TENM2: variants seen among roughly 807,000 people sequenced by gnomAD.
TENM2 encodes teneurin transmembrane protein 2.
A neutral mutation model predicts 245.2 loss-of-function variants in TENM2; 52 were observed. The ratio of observed to expected loss-of-function variants is 0.21; its 90% CI spans 0.17 to 0.27. TENM2 has a LOEUF of 0.27. TENM2 is among the 10% of genes least tolerant of loss of function. The pLI, the probability that TENM2 is intolerant of heterozygous loss-of-function variation, is 1.00. For synonymous variants in TENM2, 1,363 were observed against 1,438.9 expected (o/e 0.95, Z 1.19); for missense variants, 3,046 against 3,666.8 (o/e 0.83, Z 4.37).
At chr5:167,930,236 A>T (rs1252805559) in intron 3 of TENM2, among the ~76,000 whole-genome samples, 1 of 152,156 alleles carries the variant, frequency 6.6e-6, no homozygotes, top group East Asian at 1.9e-4. Flanking sequence ...GGCCTGAGAC[A>T]CATCCTCACA....
Position 168,125,052 on chromosome 5 carries a change from T to G in TENM2, c.2209+2T>G, listed in dbSNP as rs762225253. ...GGATGGGTCCCGACTGCTCTGTTGG[T>G]AAGCCACAAGGTTTTCTCCTTCCTC... On this transcript the variant is annotated splice_donor_variant, in intron 11 of 28. Coordinates refer to ENST00000518659, the Ensembl canonical transcript of TENM2. LOFTEE classifies it high-confidence loss of function. The G allele has an allele frequency of 1.9e-6, 3 of 1,603,868 alleles. No homozygotes were observed. The South Asian group carries it at 3.4e-5, about 18-fold the overall frequency.
intron 2 of TENM2, among the ~76,000 whole-genome samples, chr5:167,815,927 T>G (rs1767015007): frequency 2.0e-5 from 3 of 151,806 alleles, no homozygotes; most frequent in Non-Finnish European, 4.4e-5. Flanking sequence ...CTCCATAGTA[T>G]GAGGGGTTTG....
chr5:168,261,801 G>A (rs1351547384), intron 28 of TENM2, among the ~76,000 whole-genome samples: 2 of 152,112 alleles, frequency 1.3e-5, no homozygotes, highest in East Asian at 3.9e-4. Context: ...TTTTTAGTTA[G>A]TGGCAATTGC....
chr5:167,109,799 G>A, the TENM2 span, among the ~76,000 whole-genome samples: 1 of 152,094 alleles, frequency 6.6e-6, no homozygotes, highest in African/African-American at 2.4e-5. Context: ...TCCAATTTTG[G>A]CATAGGATGC....
the TENM2 span, among the ~76,000 whole-genome samples, chr5:167,149,985 A>G: frequency 6.6e-6 from 1 of 152,334 alleles, no homozygotes; most frequent in South Asian, 2.1e-4. Context: ...ATGAAAAGAT[A>G]AAAGGAAGGA....
the TENM2 span, among the ~76,000 whole-genome samples, chr5:167,196,486 G>GTATA: frequency 6.9e-6 from 1 of 144,218 alleles, no homozygotes; most frequent in African/African-American, 2.8e-5. Flanking sequence ...ATATATGTGT[G>GTATA]TATATATATA....
intron 2 of TENM2, among the ~76,000 whole-genome samples, chr5:167,710,840 G>A (rs568584202): frequency 2.9e-4 from 44 of 152,332 alleles, no homozygotes; most frequent in Middle Eastern, 3.4e-3. Flanking sequence ...TTAAGATGAA[G>A]ACAAGCTGGG....
intron 2 of TENM2, among the ~76,000 whole-genome samples, chr5:167,859,612 G>A (rs1771511822): frequency 9.0e-6 from 1 of 110,956 alleles, no homozygotes; most frequent in African/African-American, 3.8e-5. Context: ...AGGTGGGGGG[G>A]TCAGCCCTCC....
At chr5:167,445,111 GGTA>G (rs1455809458) in intron 2 of TENM2, among the ~76,000 whole-genome samples, 1 of 151,800 alleles carries the variant, frequency 6.6e-6, no homozygotes, top group Non-Finnish European at 1.5e-5. Context: ...CACTTGTAGT[GGTA>G]GTAGTATTGA....
At chr5:168,259,335 C>T (rs890625023) in intron 27 of TENM2, among the ~76,000 whole-genome samples, 5 of 152,008 alleles carry the variant, frequency 3.3e-5, no homozygotes, top group African/African-American at 1.2e-4. Flanking sequence ...TGCCTGTAAT[C>T]CCAGCACTTT....
chr5:167,844,477 G>A (rs540984635), intron 2 of TENM2, among the ~76,000 whole-genome samples: 7 of 152,188 alleles, frequency 4.6e-5, no homozygotes, highest in African/African-American at 9.6e-5. Flanking sequence ...GAATGTGCAC[G>A]TGAGTGTCTC....
chr5:167,493,594 A>C (rs1241103380), intron 2 of TENM2, among the ~76,000 whole-genome samples: 4 of 152,138 alleles, frequency 2.6e-5, no homozygotes, highest in Non-Finnish European at 5.9e-5. Flanking sequence ...TATGATTACT[A>C]TTAACAGTGA....
At chr5:167,016,746 T>C in the TENM2 span, among the ~76,000 whole-genome samples, 1 of 152,194 alleles carries the variant, frequency 6.6e-6, no homozygotes, top group East Asian at 1.9e-4. Context: ...ATTAAATCTA[T>C]CCTAATCTAG....
At chr5:167,124,314 A>C in the TENM2 span, among the ~76,000 whole-genome samples, 2 of 152,218 alleles carry the variant, frequency 1.3e-5, no homozygotes, top group Non-Finnish European at 2.9e-5. Flanking sequence ...CATCTTCCTA[A>C]TATTAAACTG....
At chr5:167,601,810 A>G (rs1451730428) in intron 2 of TENM2, among the ~76,000 whole-genome samples, 1 of 152,206 alleles carries the variant, frequency 6.6e-6, no homozygotes, top group African/African-American at 2.4e-5. Flanking sequence ...AGTGCTTAGT[A>G]AAAATTGCAA....
chr5:167,505,294 A>G (rs946721959), intron 2 of TENM2, among the ~76,000 whole-genome samples: 1 of 152,198 alleles, frequency 6.6e-6, no homozygotes, highest in Non-Finnish European at 1.5e-5. Context: ...AACATGTGCA[A>G]ATTAGTCAAA....
chr5:167,946,555 A>G (rs1434776239), intron 3 of TENM2, among the ~76,000 whole-genome samples: 1 of 152,180 alleles, frequency 6.6e-6, no homozygotes, highest in Non-Finnish European at 1.5e-5. Context: ...CATTTAAGCA[A>G]ATGTGCAAAG....
chr5:167,078,867 G>A, the TENM2 span, among the ~76,000 whole-genome samples: 1 of 152,106 alleles, frequency 6.6e-6, no homozygotes, highest in Non-Finnish European at 1.5e-5. Flanking sequence ...CTCCAACACA[G>A]CCTTTTTGTG....
chr5:167,032,179 T>C, the TENM2 span, among the ~76,000 whole-genome samples: 7 of 152,228 alleles, frequency 4.6e-5, no homozygotes, highest in African/African-American at 7.2e-5. Context: ...AAGAATTTTA[T>C]GAGCTTTCGT....
Sources: gnomAD v4.1 joint callset for allele counts (sites outside exome capture counted in the v4.1 genomes callset) on GRCh38, gnomAD v4.1.1 for gene constraint, MANE v1.5 for transcripts, NCBI Gene and HGNC (gene_info 2026-07-23, HGNC 2026-07-21) for gene names.